The following DSE variants were observed in gnomAD, a reference collection of about 807,000 sequenced individuals.
DSE encodes dermatan-sulfate epimerase.
A neutral mutation model predicts 84.4 loss-of-function variants in DSE; 36 were observed. That is an observed-to-expected ratio of 0.43 (90% CI 0.33 to 0.56). The LOEUF (loss-of-function observed/expected upper bound fraction) is 0.56. Among genes scored for constraint, DSE ranks in the 20% least tolerant of loss-of-function variants. DSE has a pLI of 0.06. For missense variants in DSE, 862 were observed against 1,169.6 expected (o/e 0.74, Z 3.84); for synonymous variants, 410 against 430.1 (o/e 0.95, Z 0.58).
chr6:116,282,621 A>G (rs1181720449), intron 2 of DSE, among the ~76,000 whole-genome samples: 1 of 152,206 alleles, frequency 6.6e-6, no homozygotes, highest in Non-Finnish European at 1.5e-5. Context: ...ATTTGAATAT[A>G]TAGAGAACGT....
At chr6:116,353,626 G>A (rs1375559064) in intron 2 of DSE, among the ~76,000 whole-genome samples, 1 of 152,098 alleles carries the variant, frequency 6.6e-6, no homozygotes, top group African/African-American at 2.4e-5. Flanking sequence ...GATATTCCCA[G>A]AAAACTGAGA....
chr6:116,299,502 TTTTATATATATATATATATA>T lies in DSE; in HGVS notation c.-54+40537_-54+40556del, dbSNP rs1297144099. Among the ~76,000 whole-genome samples, 66 of 47,524 alleles carry T rather than the reference TTTTATATATATATATATATA, an allele frequency of 1.4e-3. 3 individuals are homozygous for T. Among genetic ancestry groups the T allele is most frequent in the African/African-American group, 7.3e-3 (51 of 6,976 alleles). 31.2% of individuals were successfully genotyped at this position (47,524 alleles called of 152,430 possible). A position where few individuals can be genotyped will look rare whatever the true frequency, so the allele number is the denominator to read the frequency against. On this transcript the variant is annotated intron_variant, in intron 2 of 3. Coordinates refer to the DSE transcript ENST00000430252. The stretch of plus-strand genomic sequence containing the variant: ...CATCCTGAAAGGCTTCTTGAATTAT[TTTTATATATATATATATATA>T]TATATATATATATATATATATATAT...
At chr6:116,364,120 T>G (rs1779044263) in intron 2 of DSE, among the ~76,000 whole-genome samples, 1 of 152,238 alleles carries the variant, frequency 6.6e-6, no homozygotes, top group Admixed American at 6.5e-5. Flanking sequence ...CCTTATACTT[T>G]TCTCACTTAG....
At chr6:116,277,346 T>A (rs1773193942) in intron 2 of DSE, 1 of 152,698 alleles carries the variant, frequency 6.5e-6, no homozygotes, top group Admixed American at 6.5e-5. Flanking sequence ...AAGTACTCCT[T>A]CCTCGAAAGC....
chr6:116,285,847 T>A (rs1250845090), intron 2 of DSE, among the ~76,000 whole-genome samples: 2 of 152,194 alleles, frequency 1.3e-5, no homozygotes, highest in Admixed American at 6.5e-5. Context: ...GTGGTATTAT[T>A]TCTGAGGGCT....
intron 1 of DSE, among the ~76,000 whole-genome samples, chr6:116,393,091 G>A (rs571683721): frequency 2.6e-5 from 4 of 152,286 alleles, no homozygotes; most frequent in South Asian, 2.1e-4. Context: ...TTTCCCAGTC[G>A]CTGTTAGATC....
chr6:116,428,452 A>T (rs907037939), intron 3 of DSE, among the ~76,000 whole-genome samples: 1 of 152,210 alleles, frequency 6.6e-6, no homozygotes, highest in Non-Finnish European at 1.5e-5. Flanking sequence ...TGTAAATAAC[A>T]TTATTCCAAA....
At chr6:116,279,149 G>A (rs1205561412) in intron 2 of DSE, 1 of 1,613,942 alleles carries the variant, frequency 6.2e-7, no homozygotes, top group East Asian at 2.2e-5. Context: ...GGGTCCATGC[G>A]GAGAGCCTCA....
At chr6:116,393,692 A>G (rs1781052744) in intron 1 of DSE, among the ~76,000 whole-genome samples, 1 of 152,226 alleles carries the variant, frequency 6.6e-6, no homozygotes. Flanking sequence ...GCCCAACTCC[A>G]TGCCCCATAC....
chr6:116,380,724 C>T (rs1419332713), intron 1 of DSE, among the ~76,000 whole-genome samples: 1 of 152,194 alleles, frequency 6.6e-6, no homozygotes, highest in African/African-American at 2.4e-5. Context: ...GACCCTGCCT[C>T]CCAGCAGTTT....
chr6:116,299,791 A>C (rs1009782523), intron 2 of DSE, among the ~76,000 whole-genome samples: 1 of 151,964 alleles, frequency 6.6e-6, no homozygotes, highest in African/African-American at 2.4e-5. Context: ...AACAGTTATT[A>C]ATGTTGAAAT....
chr6:116,392,366 A>G (rs1780963975), intron 1 of DSE, among the ~76,000 whole-genome samples: 1 of 152,176 alleles, frequency 6.6e-6, no homozygotes, highest in African/African-American at 2.4e-5. Flanking sequence ...GTGCAACGTC[A>G]GGAACATTCA....
In DSE at chr6:116,437,410, C is replaced by G. The variant is rs190099961; in HGVS notation, c.*65C>G. 171 of 1,384,002 alleles carry G rather than the reference C, an allele frequency of 1.2e-4. No individual in the cohort carries two copies. Among genetic ancestry groups the G allele is most frequent in the Non-Finnish European group, 1.8e-5 (19 of 1,045,536 alleles). The allele number at this position is 1,384,002 out of a possible 1,614,324, so 85.7% of individuals were successfully genotyped here. ...AGAGTCTATGCAAAAAAAAAAATTT[C>G]TTTACCCCAGATTATCAGATTTTTT... On this transcript the variant is annotated 3_prime_UTR_variant, in exon 6 of 6. Transcript: ENST00000644252.
intron 2 of DSE, among the ~76,000 whole-genome samples, chr6:116,309,404 T>G (rs956480963): frequency 2.0e-5 from 3 of 152,238 alleles, no homozygotes; most frequent in Admixed American, 1.3e-4. Flanking sequence ...ATGGGTTCTA[T>G]TATTGCTCCT....
At chr6:116,316,740 A>G (rs1775999281) in intron 2 of DSE, among the ~76,000 whole-genome samples, 1 of 151,956 alleles carries the variant, frequency 6.6e-6, no homozygotes, top group African/African-American at 2.4e-5. Flanking sequence ...TAATTACAGA[A>G]AGGAAGATAT....
Position 116,437,180 on chromosome 6 carries a change from C to G in DSE, c.2712C>G (p.Phe904Leu), listed in dbSNP as rs1203004506. The change falls in exon 6 of 6, where the codon TTC becomes TTG. Residue 904 changes from phenylalanine to leucine, a missense_variant. By Grantham distance (22) the Phe-to-Leu change is conservative (BLOSUM62 0). Around this residue, in one of 4 missense-constraint regions of DSE, gnomAD observed 315 missense variants for 348.1 expected, o/e 0.90. Transcript: ENST00000644252. ...TGTCTGCTTCCTATACCAGGTTGTTCCTGATTCTGAACATTGCTATTTTCT... is the reference window on the plus strand; with the variant it reads ...TGTCTGCTTCCTATACCAGGTTGTTGCTGATTCTGAACATTGCTATTTTCT... ...PSLSASYTRL[F>L]LILNIAIFFV... 2 of 1,614,130 alleles carry G rather than the reference C, an allele frequency of 1.2e-6. No individual in the cohort carries two copies. Among genetic ancestry groups the G allele is most frequent in the Non-Finnish European group, 1.7e-6 (2 of 1,180,006 alleles).
Position 116,438,280 on chromosome 6 carries a change from T to C in DSE, c.*935T>C, listed in dbSNP as rs1226868341. The C allele has an allele frequency of 6.6e-6, 1 of 152,590 alleles. No individual in the cohort carries two copies. Among genetic ancestry groups the C allele is most frequent in the Non-Finnish European group, 1.5e-5 (1 of 67,980 alleles). The allele number at this position is 152,590 out of a possible 1,614,324, so 9.5% of individuals were successfully genotyped here. A position where few individuals can be genotyped will look rare whatever the true frequency, so the allele number is the denominator to read the frequency against. The stretch of plus-strand genomic sequence containing the variant: ...CCTAAATAAACATCATAATTGTGAA[T>C]TTTCTCTAGTATTCTTCTTCTTTGT... On this transcript the variant is annotated 3_prime_UTR_variant, in exon 6 of 6. Coordinates refer to ENST00000644252, the MANE Select transcript of DSE (RefSeq NM_013352.4).
intron 2 of DSE, among the ~76,000 whole-genome samples, chr6:116,346,621 A>C (rs9400907): frequency 0.48 from 72,356 of 152,008 alleles, 18,823 homozygotes; most frequent in East Asian, 0.95. Context: ...GATGTATGTC[A>C]AAATAATAAG....
At position 116,352,384 on chromosome 6, in the gene DSE, A is replaced by G. The variant is rs1484461721; in HGVS notation, c.-53-46814A>G. Among the ~76,000 whole-genome samples, 5 of 152,166 alleles carry G rather than the reference A, an allele frequency of 3.3e-5. No individual in the cohort carries two copies. In the East Asian group the frequency reaches 9.6e-4, roughly 29 times the overall value. On this transcript the variant is annotated intron_variant, in intron 2 of 3. Transcript: ENST00000430252. ...TTTCTCTTGATCACAAGGGTTCTCC[A>G]AACACAAGGATTCCTCAAATGATAA...
Sources: gnomAD v4.1 joint callset for allele counts (sites outside exome capture counted in the v4.1 genomes callset) on GRCh38, gnomAD v4.1.1 for gene constraint, gnomAD v4.1.1 regional missense constraint, MANE v1.5 for transcripts, NCBI Gene and HGNC (gene_info 2026-07-23, HGNC 2026-07-21) for gene names.